The following COG7 variants were observed in gnomAD, a reference collection of about 807,000 sequenced individuals.
COG7 encodes the protein conserved oligomeric Golgi complex subunit 7.
A neutral mutation model predicts 91.5 loss-of-function variants in COG7; 49 were observed. The observed-to-expected ratio is 0.54, with a 90% CI of 0.43 to 0.68. The LOEUF is 0.68. Among genes scored for constraint, COG7 ranks in the 30% least tolerant of loss-of-function variants. COG7 has a pLI of 0.00. For synonymous variants in COG7, 365 were observed against 388.7 expected, an observed-to-expected ratio of 0.94 and a Z score of 0.72; for missense variants, 895 against 961.3, an observed-to-expected ratio of 0.93 and a Z score of 0.91.
At chr16:23,399,482 C>T (rs1053864116) in intron 13 of COG7, among the ~76,000 whole-genome samples, 67 of 152,276 alleles carry the variant, frequency 4.4e-4, no homozygotes, top group Non-Finnish European at 8.8e-5. Context: ...AAGATTTGCT[C>T]CTTGCTCTCT....
At chr16:23,425,635 T>C (rs1963834359) in intron 6 of COG7, among the ~76,000 whole-genome samples, 1 of 152,180 alleles carries the variant, frequency 6.6e-6, no homozygotes, top group Non-Finnish European at 1.5e-5. Context: ...CCACATCACC[T>C]TTTAAAGAAG....
intron 16 of COG7, 58 bp downstream of exon 16, chr16:23,392,322 C>A: frequency 6.2e-7 from 1 of 1,612,050 alleles, no homozygotes; most frequent in Non-Finnish European, 8.5e-7. Context: ...AAAGGAGAAA[C>A]TGACAGATGC....
intron 10 of COG7, chr16:23,413,218 G>A: frequency 6.3e-6 from 3 of 478,152 alleles, no homozygotes; most frequent in Non-Finnish European, 1.1e-5. Context: ...TGAGGCATTT[G>A]TAAAGAACTT....
chr16:23,400,475 T>C (rs1417848958), intron 13 of COG7, among the ~76,000 whole-genome samples: 1 of 151,888 alleles, frequency 6.6e-6, no homozygotes, highest in Admixed American at 6.6e-5. Context: ...CAGGTAACAA[T>C]GTGCAGGGCG....
At chr16:23,434,234 C>T (rs1963978622) in intron 5 of COG7, among the ~76,000 whole-genome samples, 1 of 152,144 alleles carries the variant, frequency 6.6e-6, no homozygotes, top group Non-Finnish European at 1.5e-5. Context: ...ATGATCGGAT[C>T]TGTGAATAGT....
intron 4 of COG7, among the ~76,000 whole-genome samples, chr16:23,440,123 T>A (rs1021211496): frequency 1.3e-4 from 20 of 149,430 alleles, no homozygotes; most frequent in African/African-American, 4.9e-4. Context: ...GCACGGTGGC[T>A]CACGCCTGTA....
chr16:23,425,297 G>A (rs898011392), intron 6 of COG7, among the ~76,000 whole-genome samples: 4 of 152,032 alleles, frequency 2.6e-5, no homozygotes, highest in Non-Finnish European at 4.4e-5. Context: ...GTGACAGAGC[G>A]AGACTCTGTC....
At chr16:23,393,836 G>A (rs897510398) in intron 14 of COG7, among the ~76,000 whole-genome samples, 42 of 152,194 alleles carry the variant, frequency 2.8e-4, no homozygotes, top group African/African-American at 9.6e-4. Flanking sequence ...GAGGTCAGGA[G>A]TTCAAGACCA....
chr16:23,389,242 C>T (rs1335461415), intron 16 of COG7, among the ~76,000 whole-genome samples, 156 bp from the exon 17 acceptor site: 3 of 152,130 alleles, frequency 2.0e-5, no homozygotes, highest in Non-Finnish European at 4.4e-5. Context: ...GCCCTTTACT[C>T]ACCAGGTTCT....
rs1964294058 is a variant in COG7, at chr16:23,453,102, G to C, written c.-108C>G. On this transcript the variant is annotated 5_prime_UTR_variant, in exon 1 of 17. Coordinates refer to ENST00000307149, the MANE Select transcript of COG7 (RefSeq NM_153603.4). ...CGAGAGCACCGAGGCTAGCCTCCGA[G>C]GCGAACCCCAGAAACGCCAGGACGG... is the stretch of plus-strand genomic sequence containing the variant. The C allele has an allele frequency of 9.7e-6, 15 of 1,549,580 alleles. No homozygotes were observed. Among genetic ancestry groups the C allele is most frequent in the Non-Finnish European group, 1.2e-5 (14 of 1,145,458 alleles).
chr16:23,442,949 A>C lies in COG7; in HGVS notation c.436-304T>G, dbSNP rs571067131. On this transcript the variant is annotated intron_variant, in intron 3 of 16. Coordinates refer to ENST00000307149, the MANE Select transcript of COG7 (RefSeq NM_153603.4). ...CCCAGGAAGCTAAGGCAGGAGGATC[A>C]CTTGAGCCTGGAAGGTGGAGACTGC... Among the ~76,000 whole-genome samples the C allele has an allele frequency of 1.7e-3, 261 of 151,986 alleles. 1 individual carries two copies. The highest frequency in any genetic ancestry group is 6.0e-3 in the African/African-American group (247 of 41,486).
chr16:23,421,850 CAAAAA>C (rs369425955), intron 7 of COG7, among the ~76,000 whole-genome samples: 2 of 47,634 alleles, frequency 4.2e-5, no homozygotes, highest in Admixed American at 2.2e-4. Flanking sequence ...GACTCCATCT[CAAAAA>C]AAAAAAAAAA....
intron 6 of COG7, among the ~76,000 whole-genome samples, chr16:23,431,877 C>T (rs1014656216): frequency 2.6e-5 from 4 of 151,148 alleles, no homozygotes; most frequent in African/African-American, 9.7e-5. Context: ...CATGGTGGCT[C>T]ATGCCTGTAA....
intron 7 of COG7, among the ~76,000 whole-genome samples, chr16:23,422,292 G>A (rs371202829): frequency 8.6e-5 from 13 of 150,870 alleles, no homozygotes; most frequent in Non-Finnish European, 1.0e-4. Flanking sequence ...TAACCTGGGC[G>A]ACAGAGCAAG....
rs369858621 is a variant in COG7, at chr16:23,424,883, G to A, written c.875C>T (p.Pro292Leu). The A allele has an allele frequency of 1.2e-6, 2 of 1,614,068 alleles. No homozygotes were observed. The highest frequency in any genetic ancestry group is 1.3e-5 in the African/African-American group (1 of 74,948). The change falls in exon 7 of 17, where the codon CCC becomes CTC. Residue 292 changes from proline (P) to leucine (L), a missense_variant. Transcript: ENST00000307149. ...GTTGCTGAGGCAGGAGGGCAGCGAG[G>A]GCATGAGGGCCCCCAGGGTCTGAAT... Reference protein sequence around the residue: ...LLIQTLGALMPSLPSCLSNGV... With the variant: ...LLIQTLGALMLSLPSCLSNGV...
At chr16:23,440,039 A>G (rs1482704969) in intron 4 of COG7, among the ~76,000 whole-genome samples, 1 of 150,744 alleles carries the variant, frequency 6.6e-6, no homozygotes, top group Non-Finnish European at 1.5e-5. Flanking sequence ...ACTTTAGGCC[A>G]GGAGTTCAAG....
rs568962941 is a variant in COG7, at chr16:23,398,396, G to C, written c.1804-267C>G. ...GGAACTGCCACATTGGCTGAACTGT[G>C]GGGTGGGAACTGATCCCTTTCATTT... On this transcript the variant is annotated intron_variant, in intron 13 of 16. Coordinates refer to ENST00000307149, the MANE Select transcript of COG7 (RefSeq NM_153603.4). 1.8e-4 allele frequency among the ~76,000 whole-genome samples: 27 copies of C among 152,330 alleles called. 1 individual carries two copies. The South Asian group carries it at 5.6e-3, about 32-fold the overall frequency.
intron 12 of COG7, 115 bp downstream of exon 12, chr16:23,405,961 G>C: frequency 1.1e-6 from 1 of 879,962 alleles, no homozygotes; most frequent in South Asian, 1.3e-5. Context: ...GTAGTAGCAG[G>C]GTACGTCACA....
At chr16:23,448,632 T>C (rs1292808763) in intron 1 of COG7, among the ~76,000 whole-genome samples, 3 of 152,134 alleles carry the variant, frequency 2.0e-5, no homozygotes, top group Non-Finnish European at 2.9e-5. Context: ...CTGTTTGAAC[T>C]TCTCACCTTT....
Sources: gnomAD v4.1 joint callset for allele counts (sites outside exome capture counted in the v4.1 genomes callset) on GRCh38, gnomAD v4.1.1 for gene constraint, MANE v1.5 for transcripts, NCBI Gene and HGNC (gene_info 2026-07-23, HGNC 2026-07-21) for gene names.